Variants in RB1 observed in about 807,000 individuals in gnomAD.
RB1 encodes the protein RB transcriptional corepressor 1.
A neutral mutation model predicts 135.4 loss-of-function variants in RB1; 18 were observed. That is an observed-to-expected ratio of 0.13 (90% confidence interval 0.09 to 0.20). The LOEUF (loss-of-function observed/expected upper bound fraction) is 0.20. Among genes scored for constraint, RB1 ranks in the 10% least tolerant of loss-of-function variants. The probability of loss-of-function intolerance (pLI) is 1.00; values close to 1 mark genes in which losing one functional copy is unlikely to be tolerated. For missense variants in RB1, 868 were observed against 1,110.0 expected (o/e 0.78, Z 3.10); for synonymous variants, 365 against 373.2 (o/e 0.98, Z 0.25).
intron 9 of RB1, among the ~76,000 whole-genome samples, chr13:48,366,577 T>G (rs1180651400): frequency 1.3e-5 from 2 of 152,158 alleles, no homozygotes; most frequent in East Asian, 3.9e-4. Context: ...TAAAGTATAA[T>G]TAAAAAATTA....
rs1453229619 is a variant in RB1, at chr13:48,456,205, T to C, written c.1816T>C (p.Tyr606His). The C allele has an allele frequency of 6.2e-7, 1 of 1,614,102 alleles. No homozygotes were observed. The change falls in exon 19 of 27, where the codon TAT becomes CAT. Residue 606 changes from tyrosine (Y) to histidine (H), a missense_variant and splice_region_variant. Coordinates refer to ENST00000267163, the MANE Select transcript of RB1 (RefSeq NM_000321.3). ...GACTTTTCCTTTAAATATATCTAGG[T>C]ATCTTTCTCCTGTAAGATCTCCAAA... ...LQNNHTAADMYLSPVRSPKKK... is the reference protein window; with the variant it reads ...LQNNHTAADMHLSPVRSPKKK...
rs148064671 is a variant in RB1 at position 48,480,313 on chromosome 13, G to A, written c.*242G>A. The A allele has an allele frequency of 3.7e-6, 2 of 545,188 alleles. No homozygotes were observed. The highest frequency in any genetic ancestry group is 3.8e-5 in the African/African-American group (2 of 53,016). 33.8% of individuals were successfully genotyped at this position (545,188 alleles called of 1,614,324 possible). On this transcript the variant is annotated 3_prime_UTR_variant, in exon 27 of 27. Transcript: ENST00000267163. The stretch of plus-strand genomic sequence containing the variant: ...AAATCCTGCCATTTAAAAAGTTGTA[G>A]CAGATTGTTTCCTCTTCCAAAGTAA...
At chr13:48,380,017 C>T (rs1234067251) in intron 14 of RB1, 36 bp from the exon 15 acceptor site, 6 of 929,170 alleles carry the variant, frequency 6.5e-6, no homozygotes, top group Non-Finnish European at 8.7e-6. Context: ...TTCAATTAAA[C>T]AACTTCTTTT....
chr13:48,387,354 T>C lies in RB1; in HGVS notation c.1695+5911T>C, dbSNP rs137973537. 2.5e-3 allele frequency among the ~76,000 whole-genome samples: 380 copies of C among 152,308 alleles called. 1 individual carries two copies. Among genetic ancestry groups the C allele is most frequent in the African/African-American group, 7.8e-3 (323 of 41,590 alleles). On this transcript the variant is annotated intron_variant, in intron 17 of 26. Transcript: ENST00000267163. ...CTTTTGAGCCCTCAACATCCTTTAATGTAAAAAAGCTATTAGCTACTTTAT... is the reference window on the plus strand; with the variant it reads ...CTTTTGAGCCCTCAACATCCTTTAACGTAAAAAAGCTATTAGCTACTTTAT...
At chr13:48,437,853 A>G (rs1949199856) in intron 17 of RB1, among the ~76,000 whole-genome samples, 1 of 152,212 alleles carries the variant, frequency 6.6e-6, no homozygotes, top group Non-Finnish European at 1.5e-5. Flanking sequence ...CTGCACAAGG[A>G]TATAAATACC....
intron 16 of RB1, among the ~76,000 whole-genome samples, chr13:48,381,044 C>T (rs896863098): frequency 2.0e-5 from 3 of 152,066 alleles, no homozygotes; most frequent in African/African-American, 7.2e-5. Flanking sequence ...AGTCCTTTCT[C>T]TAGGAAAAAC....
intron 1 of RB1, 23 bp downstream of exon 1, chr13:48,304,072 G>T: frequency 7.1e-7 from 1 of 1,400,442 alleles, no homozygotes; most frequent in Non-Finnish European, 9.2e-7. Context: ...AGCCGCCGTC[G>T]CCTCACGCGG....
At chr13:48,395,761 G>A (rs751724625) in intron 17 of RB1, among the ~76,000 whole-genome samples, 3 of 152,186 alleles carry the variant, frequency 2.0e-5, no homozygotes, top group African/African-American at 2.4e-5. Context: ...TTTGATTGGT[G>A]TACCTGAAAG....
chr13:48,372,657 A>C (rs566151159), intron 11 of RB1, among the ~76,000 whole-genome samples: 3 of 152,066 alleles, frequency 2.0e-5, no homozygotes, highest in Non-Finnish European at 4.4e-5. Context: ...TCTCAAAAAA[A>C]AAAAAGAAAA....
At chr13:48,337,226 G>C (rs1952393403) in intron 2 of RB1, among the ~76,000 whole-genome samples, 1 of 152,100 alleles carries the variant, frequency 6.6e-6, no homozygotes, top group Non-Finnish European at 1.5e-5. Flanking sequence ...TCAATTCCTG[G>C]ATATCCTTGT....
chr13:48,337,527 G>T (rs1952396229), intron 2 of RB1, among the ~76,000 whole-genome samples: 1 of 151,940 alleles, frequency 6.6e-6, no homozygotes, highest in African/African-American at 2.4e-5. Context: ...TTTTCCATTT[G>T]CTTGGTAGAT....
At chr13:48,320,290 C>T (rs1952223116) in intron 2 of RB1, 9 of 1,222,834 alleles carry the variant, frequency 7.4e-6, no homozygotes, top group Non-Finnish European at 1.1e-5. Flanking sequence ...ATCGGTGGTG[C>T]CCCGAGCAAC....
rs910317358 is a variant in RB1 at position 48,365,055 on chromosome 13, T to G, written c.939+84T>G. On this transcript the variant is annotated intron_variant, in intron 9 of 26. Transcript: ENST00000267163. ...ATTGTCTAACTTTCTTAGATCAATTTACTGTGTATCACATTTTTTTTTTGC... is the reference window on the plus strand; with the variant it reads ...ATTGTCTAACTTTCTTAGATCAATTGACTGTGTATCACATTTTTTTTTTGC... 13 of 1,462,660 alleles carry G rather than the reference T, an allele frequency of 8.9e-6. No individual in the cohort carries two copies. In the East Asian group the frequency reaches 1.8e-4, roughly 20 times the overall value. The allele number at this position is 1,462,660 out of a possible 1,614,324, so 90.6% of individuals were successfully genotyped here.
chr13:48,381,282 T>A lies in RB1; in HGVS notation c.1534T>A (p.Leu512Met). Residue 512 changes from leucine (L) to methionine (M), a missense_variant, in exon 17 of 27, where the codon TTG (leucine) becomes ATG (methionine). Coordinates refer to ENST00000267163, the MANE Select transcript of RB1 (RefSeq NM_000321.3). ...TCAGAATCTTGATTCTGGAACAGAT[T>A]TGTCTTTCCCATGGATTCTGAATGT... Reference protein sequence around the residue: ...TSQNLDSGTDLSFPWILNVLN... With the variant: ...TSQNLDSGTDMSFPWILNVLN... 6.2e-7 allele frequency: 1 copy of A among 1,611,990 alleles called. No individual in the cohort carries two copies. Among genetic ancestry groups the A allele is most frequent in the Non-Finnish European group, 8.5e-7 (1 of 1,179,254 alleles).
chr13:48,447,724 C>T (rs1359697368), intron 17 of RB1, among the ~76,000 whole-genome samples: 2 of 152,066 alleles, frequency 1.3e-5, no homozygotes, highest in Admixed American at 6.6e-5. Flanking sequence ...AGTTTGTGCT[C>T]CTACCTACTG....
At chr13:48,322,341 G>A (rs1417370616) in intron 2 of RB1, among the ~76,000 whole-genome samples, 1 of 152,124 alleles carries the variant, frequency 6.6e-6, no homozygotes, top group Non-Finnish European at 1.5e-5. Context: ...TTACTTAGCT[G>A]TATATAGAAA....
At chr13:48,435,293 T>G (rs1949171865) in intron 17 of RB1, among the ~76,000 whole-genome samples, 1 of 152,194 alleles carries the variant, frequency 6.6e-6, no homozygotes, top group Non-Finnish European at 1.5e-5. Flanking sequence ...AGGTTATAAT[T>G]TGCATTTCCC....
chr13:48,411,022 A>G (rs1948790319), intron 17 of RB1: 1 of 153,204 alleles, frequency 6.5e-6, no homozygotes, highest in African/African-American at 2.4e-5. Flanking sequence ...AATATTACAT[A>G]AACATAAATT....
intron 2 of RB1, chr13:48,318,450 C>T: frequency 7.0e-7 from 1 of 1,425,236 alleles, no homozygotes; most frequent in Non-Finnish European, 9.7e-7. Flanking sequence ...GTCTTCGGAG[C>T]TCTCCTTCTC....
Sources: allele counts gnomAD v4.1 joint callset (sites outside exome capture counted in the v4.1 genomes callset), GRCh38; gene constraint gnomAD v4.1.1; transcripts MANE v1.5; gene names NCBI Gene and HGNC (gene_info 2026-07-23, HGNC 2026-07-21).